Variants in COX16 observed in about 807,000 individuals in gnomAD.
COX16 encodes the protein cytochrome c oxidase assembly factor COX16, also known as cytochrome c oxidase assembly protein COX16 homolog, mitochondrial.
A neutral mutation model predicts 15.4 loss-of-function variants in COX16; 12 were observed. The observed-to-expected ratio is 0.78, with a 90% CI of 0.50 to 1.26. The LOEUF (loss-of-function observed/expected upper bound fraction) is 1.26, where lower values mean the gene tolerates loss of function less well. Ranked by LOEUF, COX16 falls within the 50% of genes most tolerant of loss-of-function variation. The pLI is 0.00. For missense variants in COX16, 124 were observed against 127.6 expected (o/e 0.97, Z 0.14); for synonymous variants, 46 against 41.1 (o/e 1.12, Z -0.46).
chr14:70,329,256 GTAA>G lies in COX16; in HGVS notation c.142-23_142-21del. On this transcript the variant is annotated intron_variant, in intron 2 of 3. Transcript: ENST00000389912. Reference sequence around the variant, plus strand: ...ATCCATCTGTAGAAAAGGAAAAAAAGTAATAAGTTATCTAAGTCTGTTTGTTAG... The same window carrying G: ...ATCCATCTGTAGAAAAGGAAAAAAAGTAAGTTATCTAAGTCTGTTTGTTAG... 1.3e-6 allele frequency: 2 copies of G among 1,533,556 alleles called. No individual in the cohort carries two copies. 95.0% of individuals were successfully genotyped at this position (1,533,556 alleles called of 1,614,324 possible). A position where few individuals can be genotyped will look rare whatever the true frequency, so the allele number is the denominator to read the frequency against.
At chr14:70,357,331 C>T (rs975693992) in intron 1 of COX16, among the ~76,000 whole-genome samples, 1 of 152,024 alleles carries the variant, frequency 6.6e-6, no homozygotes, top group Non-Finnish European at 1.5e-5. Flanking sequence ...TGTGTACATG[C>T]CCAGAGCAAT....
intron 2 of COX16, among the ~76,000 whole-genome samples, chr14:70,331,315 A>AAACTT (rs1886281607): frequency 6.6e-6 from 1 of 152,108 alleles, no homozygotes; most frequent in Non-Finnish European, 1.5e-5. Context: ...CAAGTGTATT[A>AAACTT]AACTTAAGAA....
chr14:70,329,854 C>CA (rs1886225980), intron 2 of COX16, among the ~76,000 whole-genome samples: 1 of 150,556 alleles, frequency 6.6e-6, no homozygotes, highest in African/African-American at 2.4e-5. Context: ...ACAACAACTA[C>CA]AAAAAAGCAA....
chr14:70,338,739 T>C (rs2140708825), intron 2 of COX16, among the ~76,000 whole-genome samples: 1 of 152,330 alleles, frequency 6.6e-6, no homozygotes, highest in East Asian at 1.9e-4. Context: ...TATTTTAGAC[T>C]GAGTATAGTG....
At position 70,359,576 on chromosome 14, in the gene COX16, G is replaced by T. The variant is rs763418434; in HGVS notation, c.12C>A (p.Pro4=). The T allele has an allele frequency of 6.2e-7, 1 of 1,614,002 alleles. No homozygotes were observed. Among genetic ancestry groups the T allele is most frequent in the Non-Finnish European group, 8.5e-7 (1 of 1,179,938 alleles). ...TCTTGCGAAAAGCACGCATCACCGC[G>T]GGTGCAAACATGAGTGAACTCTTCC... MFA[P]AVMRAFRKNK... is the part of the protein sequence containing the mutation. The change falls in exon 1 of 4, where the codon CCC becomes CCA. Residue 4 remains proline, a synonymous_variant. Coordinates refer to ENST00000389912, the MANE Select transcript of COX16 (RefSeq NM_016468.7).
intron 1 of COX16, among the ~76,000 whole-genome samples, chr14:70,347,591 A>G (rs953810945): frequency 6.6e-6 from 1 of 152,038 alleles, no homozygotes; most frequent in Admixed American, 6.5e-5. Context: ...CTCTCCTTCA[A>G]TGTGTTAATG....
intron 1 of COX16, among the ~76,000 whole-genome samples, chr14:70,354,874 G>A (rs915125285): frequency 1.5e-5 from 2 of 130,942 alleles, no homozygotes; most frequent in Admixed American, 7.7e-5. Flanking sequence ...TGTTTGAATT[G>A]CACTGCAACA....
chr14:70,332,406 G>C (rs1886318214), intron 2 of COX16, among the ~76,000 whole-genome samples: 1 of 152,190 alleles, frequency 6.6e-6, no homozygotes, highest in South Asian at 2.1e-4. Flanking sequence ...AAACGATCCT[G>C]TCTGCGCAGG....
At chr14:70,351,331 TTTA>T (rs1401666459) in intron 1 of COX16, among the ~76,000 whole-genome samples, 5 of 150,788 alleles carry the variant, frequency 3.3e-5, no homozygotes, top group Non-Finnish European at 4.4e-5. Context: ...GCATTAATAT[TTTA>T]TTAATAAATA....
At chr14:70,343,979 G>A (rs556115196) in intron 1 of COX16, among the ~76,000 whole-genome samples, 1 of 152,314 alleles carries the variant, frequency 6.6e-6, no homozygotes, top group East Asian at 1.9e-4. Flanking sequence ...GGCTTGGGAA[G>A]TGGGGAGTGT....
intron 1 of COX16, among the ~76,000 whole-genome samples, chr14:70,342,956 C>A (rs1232649500): frequency 1.3e-5 from 2 of 152,140 alleles, no homozygotes; most frequent in Non-Finnish European, 2.9e-5. Context: ...TCACCCTATA[C>A]CTGTATTTGA....
At chr14:70,350,142 ACT>A (rs1886904187) in intron 1 of COX16, among the ~76,000 whole-genome samples, 1 of 151,758 alleles carries the variant, frequency 6.6e-6, no homozygotes, top group Non-Finnish European at 1.5e-5. Flanking sequence ...TGAAAGAAAA[ACT>A]CTTCCCTTCT....
chr14:70,326,526 A>T, intron 3 of COX16, 77 bp from the exon 4 acceptor site: 15 of 1,081,710 alleles, frequency 1.4e-5, no homozygotes, highest in South Asian at 2.4e-5. Flanking sequence ...AACTAACTCA[A>T]TGAATAAATG....
intron 3 of COX16, among the ~76,000 whole-genome samples, chr14:70,327,305 A>G (rs1886113359): frequency 6.6e-6 from 1 of 151,820 alleles, no homozygotes; most frequent in Non-Finnish European, 1.5e-5. Flanking sequence ...CTGGGCATTA[A>G]CTCTCTCATA....
intron 2 of COX16, among the ~76,000 whole-genome samples, chr14:70,339,171 C>T (rs369403976): frequency 1.1e-3 from 168 of 152,290 alleles, no homozygotes; most frequent in African/African-American, 3.8e-3. Context: ...TTATATTGCA[C>T]ACTTAAATCA....
intron 1 of COX16, among the ~76,000 whole-genome samples, chr14:70,350,474 A>G (rs1458597517): frequency 6.6e-6 from 1 of 152,060 alleles, no homozygotes; most frequent in Non-Finnish European, 1.5e-5. Flanking sequence ...AAACCAATAC[A>G]AGAACCTTAC....
chr14:70,336,264 A>AAAAAAC (rs146218837), intron 2 of COX16, among the ~76,000 whole-genome samples: 5 of 150,844 alleles, frequency 3.3e-5, no homozygotes, highest in Admixed American at 6.6e-5. Context: ...TCAAAAAAAC[A>AAAAAAC]AAAAACAAAA....
At chr14:70,339,024 A>G (rs1807925163) in intron 2 of COX16, among the ~76,000 whole-genome samples, 1 of 152,232 alleles carries the variant, frequency 6.6e-6, no homozygotes, top group South Asian at 2.1e-4. Flanking sequence ...CACTGATATT[A>G]TAATTGTTCT....
intron 2 of COX16, among the ~76,000 whole-genome samples, chr14:70,331,451 A>G (rs1352444378): frequency 1.3e-5 from 2 of 152,224 alleles, no homozygotes; most frequent in East Asian, 1.9e-4. Flanking sequence ...AAAAATGAGC[A>G]AGAGGCCTCA....
Sources: allele counts gnomAD v4.1 joint callset (sites outside exome capture counted in the v4.1 genomes callset), GRCh38; gene constraint gnomAD v4.1.1; transcripts MANE v1.5; gene names NCBI Gene and HGNC (gene_info 2026-07-23, HGNC 2026-07-21).